THSD1: variants seen among roughly 807,000 people sequenced by gnomAD.
The protein encoded by THSD1 is thrombospondin type 1 domain containing 1.
A neutral mutation model predicts 46.3 loss-of-function variants in THSD1; 34 were observed. The observed-to-expected ratio is 0.74, with a 90% CI of 0.56 to 0.98. The LOEUF is 0.98. THSD1 is among the 50% of genes least tolerant of loss of function. THSD1 has a pLI of 0.00. For missense variants in THSD1, 1,023 were observed against 1,058.3 expected (o/e 0.97, Z 0.46); for synonymous variants, 407 against 416.5 (o/e 0.98, Z 0.28).
intron 1 of THSD1, among the ~76,000 whole-genome samples, chr13:52,403,969 A>G (rs1663427739): frequency 1.0e-5 from 1 of 100,362 alleles, no homozygotes; most frequent in South Asian, 3.1e-4. Flanking sequence ...TTTTTTTTAG[A>G]CAGAGTCTTG....
intron 3 of THSD1, among the ~76,000 whole-genome samples, chr13:52,386,813 G>T (rs748597241): frequency 2.6e-5 from 4 of 152,088 alleles, no homozygotes; most frequent in African/African-American, 4.8e-5. Context: ...CAACCACTTG[G>T]GGAAAGGCCT....
At chr13:52,387,684 A>G (rs1957743221) in intron 3 of THSD1, among the ~76,000 whole-genome samples, 1 of 152,254 alleles carries the variant, frequency 6.6e-6, no homozygotes, top group Non-Finnish European at 1.5e-5. Flanking sequence ...AACACAGATG[A>G]AGAAGGCTCA....
In THSD1 at chr13:52,400,941, TGTAGA is replaced by T. The variant is rs199857211; in HGVS notation, c.58+1597_58+1601del. The stretch of plus-strand genomic sequence containing the variant: ...TACTTTTTTGTAGAAGGCTGTTACA[TGTAGA>T]GTAATCTGTGTTTTTTTGTTTTTGT... On this transcript the variant is annotated intron_variant, in intron 2 of 4. Coordinates refer to ENST00000258613, the MANE Select transcript of THSD1 (RefSeq NM_018676.4). Among the ~76,000 whole-genome samples the T allele has an allele frequency of 7.0e-3, 1,069 of 152,268 alleles. 12 individuals carry two copies. The highest frequency in any genetic ancestry group is 0.023 in the African/African-American group (962 of 41,556).
At chr13:52,388,469 T>C (rs955267597) in intron 3 of THSD1, among the ~76,000 whole-genome samples, 1 of 152,058 alleles carries the variant, frequency 6.6e-6, no homozygotes, top group East Asian at 1.9e-4. Flanking sequence ...ATAGCGGCAA[T>C]GTATTATTTG....
intron 3 of THSD1, among the ~76,000 whole-genome samples, chr13:52,389,165 G>A (rs991863329): frequency 6.6e-6 from 1 of 151,988 alleles, no homozygotes; most frequent in African/African-American, 2.4e-5. Context: ...GTTTCACCAT[G>A]TTGGTCAGAC....
chr13:52,403,607 G>A (rs1256997397), intron 1 of THSD1, among the ~76,000 whole-genome samples: 2 of 152,060 alleles, frequency 1.3e-5, no homozygotes, highest in Non-Finnish European at 2.9e-5. Context: ...TCAGCCTCCC[G>A]AGTAGCTGGG....
In THSD1 at chr13:52,397,836, C is replaced by T. The variant is rs1000235792; in HGVS notation, c.417G>A (p.Lys139=). Residue 139 remains lysine (K), a synonymous_variant, in exon 3 of 5, where the codon AAG becomes AAA. Transcript: ENST00000258613. ...VFHVDLNRSA[K]AAEGTFQVGL... ...CCACTTGGAAGGTGCCTTCTGCTGC[C>T]TTGGCACTCCTATTCAAGTCAACGT... 2 of 1,614,270 alleles carry T rather than the reference C, an allele frequency of 1.2e-6. No homozygotes were observed. The highest frequency in any genetic ancestry group is 1.3e-5 in the African/African-American group (1 of 75,076).
At position 52,398,066 on chromosome 13, in the gene THSD1, G is replaced by A. The variant is rs762532888; in HGVS notation, c.187C>T (p.Leu63=). The A allele has an allele frequency of 1.9e-6, 3 of 1,614,196 alleles. No homozygotes were observed. Among genetic ancestry groups the A allele is most frequent in the Non-Finnish European group, 8.5e-7 (1 of 1,180,020 alleles). Residue 63 remains leucine, a synonymous_variant, in exon 3 of 5, where the codon CTG becomes TTG. Coordinates refer to ENST00000258613, the MANE Select transcript of THSD1 (RefSeq NM_018676.4). ...NGTLRNVSVL[L]LEANTNQTVT... Reference sequence around the variant, plus strand: ...GTCTGATTGGTGTTGGCCTCCAACAGCAGGACAGATACATTCCTCAGTGTC... The same window carrying A: ...GTCTGATTGGTGTTGGCCTCCAACAACAGGACAGATACATTCCTCAGTGTC...
In THSD1 at chr13:52,378,157, A is replaced by T; in HGVS notation, c.1813T>A (p.Ser605Thr). The T allele has an allele frequency of 6.2e-7, 1 of 1,614,106 alleles. No homozygotes were observed. The highest frequency in any genetic ancestry group is 1.7e-5 in the Admixed American group (1 of 60,024). The part of the protein sequence containing the change: ...PAVSAGERPP[S>T]RLDLNVTQAS... Reference sequence around the variant, plus strand: ...TGAGTCACATTTAGATCCAGCCTGGAGGGAGGCCTTTCCCCGGCACTGACC... The same window carrying T: ...TGAGTCACATTTAGATCCAGCCTGGTGGGAGGCCTTTCCCCGGCACTGACC... The change falls in exon 5 of 5, where the codon TCC (serine) becomes ACC (threonine). Residue 605 changes from serine (S) to threonine (T), a missense_variant. Ser to Thr is a moderately conservative substitution (Grantham distance 58). Transcript: ENST00000258613.
intron 3 of THSD1, among the ~76,000 whole-genome samples, 185 bp downstream of exon 3, chr13:52,397,047 A>G (rs1209934576): frequency 6.6e-6 from 1 of 152,182 alleles, no homozygotes; most frequent in Non-Finnish European, 1.5e-5. Context: ...TGAGATGTAA[A>G]GAGGTTAAGT....
In THSD1 at chr13:52,378,206, T is replaced by C. The variant is rs773734448; in HGVS notation, c.1764A>G (p.Lys588=). The change falls in exon 5 of 5, where the codon AAA becomes AAG. Residue 588 remains lysine (K), a synonymous_variant. Transcript: ENST00000258613. Reference sequence around the variant, plus strand: ...CCGCGGGCTGCTCCGGAAATGGGGATTTGATCCGGAACTTGTTTGCTGCAG... The same window carrying C: ...CCGCGGGCTGCTCCGGAAATGGGGACTTGATCCGGAACTTGTTTGCTGCAG... ...EEAAANKFRI[K]SPFPEQPAVS... 1 of 1,614,174 alleles carries C rather than the reference T, an allele frequency of 6.2e-7. No homozygotes were observed. The highest frequency in any genetic ancestry group is 1.1e-5 in the South Asian group (1 of 91,080).
intron 3 of THSD1, among the ~76,000 whole-genome samples, chr13:52,392,053 G>A (rs576703023): frequency 2.0e-5 from 3 of 151,658 alleles, no homozygotes; most frequent in Admixed American, 6.6e-5. Flanking sequence ...TTAGCCGGGC[G>A]TGGTGGCGGG....
At chr13:52,394,171 G>A (rs115778480) in intron 3 of THSD1, among the ~76,000 whole-genome samples, 1,623 of 152,318 alleles carry the variant, frequency 0.011, 27 homozygotes, top group African/African-American at 0.037. Context: ...AGCATCTGTG[G>A]AAAGCCCAGC....
intron 4 of THSD1, among the ~76,000 whole-genome samples, chr13:52,384,694 T>C (rs911783045): frequency 6.6e-6 from 1 of 152,194 alleles, no homozygotes; most frequent in Non-Finnish European, 1.5e-5. Context: ...CTGAGTGTTA[T>C]GGAACTCAGA....
intron 1 of THSD1, among the ~76,000 whole-genome samples, chr13:52,404,174 C>T (rs193045395): frequency 2.6e-5 from 4 of 152,112 alleles, no homozygotes; most frequent in Non-Finnish European, 4.4e-5. Context: ...TCTCAGATGT[C>T]TGGCCTCGTG....
chr13:52,404,384 CTTA>C (rs1957890896), intron 1 of THSD1, among the ~76,000 whole-genome samples: 1 of 152,154 alleles, frequency 6.6e-6, no homozygotes, highest in South Asian at 2.1e-4. Context: ...ACTGGTGTGT[CTTA>C]TTAGCTTTCT....
chr13:52,398,039 C>G lies in THSD1; in HGVS notation c.214G>C (p.Val72Leu), dbSNP rs368629595. 2.5e-6 allele frequency: 4 copies of G among 1,614,214 alleles called. No individual in the cohort carries two copies. The Admixed American group carries it at 5.0e-5, about 20-fold the overall frequency. Residue 72 changes from valine (V) to leucine (L), a missense_variant, in exon 3 of 5, where the codon GTA becomes CTA. By Grantham distance (32) the Val-to-Leu change is conservative (BLOSUM62 1). Transcript: ENST00000258613. ...LLLEANTNQT[V>L]TTKYLLTNQS... The stretch of plus-strand genomic sequence containing the variant: ...TTGGTCAGGAGGTACTTGGTAGTTA[C>G]AGTCTGATTGGTGTTGGCCTCCAAC...
In THSD1 at chr13:52,398,005, T is replaced by G; in HGVS notation, c.248A>C (p.Gln83Pro). 1 of 1,614,260 alleles carries G rather than the reference T, an allele frequency of 6.2e-7. No homozygotes were observed. Among genetic ancestry groups the G allele is most frequent in the Non-Finnish European group, 8.5e-7 (1 of 1,180,044 alleles). The change falls in exon 3 of 5, where the codon CAG (glutamine) becomes CCG (proline). Residue 83 changes from glutamine (Q) to proline (P), a missense_variant. Physicochemically the swap from Gln to Pro is moderately conservative, Grantham distance 76 (BLOSUM62 -1). Around this residue, in one of 3 missense-constraint regions of THSD1, gnomAD observed 429 missense variants for 518.3 expected, o/e 0.83. Transcript: ENST00000258613. ...TTKYLLTNQS[Q>P]GTLKFECFYF... ...GAAGCACTCAAACTTTAGTGTTCCCTGGGACTGGTTGGTCAGGAGGTACTT... is the reference window on the plus strand; with the variant it reads ...GAAGCACTCAAACTTTAGTGTTCCCGGGGACTGGTTGGTCAGGAGGTACTT...
At chr13:52,394,944 C>T (rs983991916) in intron 3 of THSD1, among the ~76,000 whole-genome samples, 1 of 152,160 alleles carries the variant, frequency 6.6e-6, no homozygotes, top group African/African-American at 2.4e-5. Flanking sequence ...CCCCAGCTTC[C>T]AGGAGAGGAA....
Sources: gnomAD v4.1 joint callset for allele counts (sites outside exome capture counted in the v4.1 genomes callset) on GRCh38, gnomAD v4.1.1 for gene constraint, gnomAD v4.1.1 regional missense constraint, MANE v1.5 for transcripts, NCBI Gene and HGNC (gene_info 2026-07-23, HGNC 2026-07-21) for gene names.